The following BLTP1 variants were observed in gnomAD, a reference collection of about 807,000 sequenced individuals.
BLTP1 encodes the protein fragile site-associated protein.
the BLTP1 span, chr4:122,254,526 A>T: frequency 1.2e-6 from 1 of 834,638 alleles, no homozygotes; most frequent in Non-Finnish European, 1.4e-6. Context: ...GTTTGACCCA[A>T]TTTCTTTCAT....
the BLTP1 span, chr4:122,361,890 G>T: frequency 1.2e-6 from 1 of 864,804 alleles, no homozygotes; most frequent in Non-Finnish European, 1.7e-6. Context: ...CAGGAATTAT[G>T]GGCTCATTTA....
the BLTP1 span, chr4:122,211,137 C>T: frequency 4.0e-6 from 6 of 1,509,262 alleles, no homozygotes; most frequent in Admixed American, 1.1e-4. Flanking sequence ...TAAATATAGA[C>T]AAAGCAATTA....
chr4:122,331,337 G>C, the BLTP1 span: 1 of 1,609,936 alleles, frequency 6.2e-7, no homozygotes, highest in South Asian at 1.1e-5. Flanking sequence ...CATACGTCTC[G>C]TAAAAAAGCA....
At chr4:122,356,441 G>C in the BLTP1 span, 3 of 211,696 alleles carry the variant, frequency 1.4e-5, no homozygotes, top group African/African-American at 7.1e-5. Context: ...TTGGATAAAG[G>C]ATACTCAATC....
At chr4:122,248,057 T>C in the BLTP1 span, 1 of 985,254 alleles carries the variant, frequency 1.0e-6, no homozygotes, top group Non-Finnish European at 1.2e-6. Flanking sequence ...TTTTATAGGT[T>C]CTGAAGTTTC....
chr4:122,325,616 A>G, the BLTP1 span: 1,740 of 1,120,908 alleles, frequency 1.6e-3, 73 homozygotes, highest in Admixed American at 0.064. Context: ...GTGAGAATCC[A>G]TATTAAACTA....
chr4:122,183,949 G>T, the BLTP1 span, among the ~76,000 whole-genome samples: 1 of 151,170 alleles, frequency 6.6e-6, no homozygotes, highest in Non-Finnish European at 1.5e-5. Context: ...TCATAAACCA[G>T]CTATGTAAAC....
chr4:122,327,099 G>GGTGTTTTGTTTTGTTT, the BLTP1 span, among the ~76,000 whole-genome samples: 5 of 148,234 alleles, frequency 3.4e-5, no homozygotes, highest in African/African-American at 1.2e-4. Flanking sequence ...TCATAGGGGG[G>GGTGTTTTGTTTTGTTT]TGTTTTGTTT....
the BLTP1 span, among the ~76,000 whole-genome samples, chr4:122,216,033 A>G: frequency 6.6e-6 from 1 of 151,870 alleles, no homozygotes; most frequent in Non-Finnish European, 1.5e-5. Context: ...TTTATGGCTG[A>G]GTAGTATTCC....
At chr4:122,282,033 A>C in the BLTP1 span, 6 of 979,096 alleles carry the variant, frequency 6.1e-6, no homozygotes, top group Non-Finnish European at 7.3e-6. Flanking sequence ...ATTTAAACTT[A>C]AGTTGAAGAA....
chr4:122,313,606 T>A, the BLTP1 span: 2 of 1,563,922 alleles, frequency 1.3e-6, no homozygotes, highest in Middle Eastern at 1.7e-4. Context: ...TGAAAACTAT[T>A]TTTGGGGTGA....
chr4:122,229,552 TA>T, the BLTP1 span: 1 of 231,274 alleles, frequency 4.3e-6, no homozygotes, highest in Non-Finnish European at 7.1e-6. Context: ...TGAATGTCTT[TA>T]GGATTCATAC....
At chr4:122,200,620 A>G in the BLTP1 span, 4 of 979,630 alleles carry the variant, frequency 4.1e-6, no homozygotes, top group Non-Finnish European at 3.6e-6. Flanking sequence ...CTGCAGAAAT[A>G]CTAATGTTAC....
At chr4:122,166,781 G>T in the BLTP1 span, among the ~76,000 whole-genome samples, 3 of 152,046 alleles carry the variant, frequency 2.0e-5, no homozygotes, top group African/African-American at 2.4e-5. Flanking sequence ...CCTTGAAGAG[G>T]TCCTTCACAT....
At chr4:122,226,925 A>T in the BLTP1 span, 1 of 945,196 alleles carries the variant, frequency 1.1e-6, no homozygotes, top group Non-Finnish European at 1.5e-6. Context: ...TCAAATACAC[A>T]TAGCCATGCA....
At chr4:122,177,066 A>G in the BLTP1 span, among the ~76,000 whole-genome samples, 5 of 152,222 alleles carry the variant, frequency 3.3e-5, no homozygotes, top group African/African-American at 9.6e-5. Flanking sequence ...ACTAGGGTCA[A>G]ATATCTAGCA....
the BLTP1 span, among the ~76,000 whole-genome samples, chr4:122,182,181 T>C: frequency 5.7e-4 from 87 of 152,260 alleles, no homozygotes; most frequent in African/African-American, 1.9e-3. Context: ...ATGCTAATAT[T>C]AAAAGAGTGA....
the BLTP1 span, chr4:122,184,877 A>G: frequency 1.0e-6 from 1 of 984,536 alleles, no homozygotes; most frequent in Non-Finnish European, 1.2e-6. Flanking sequence ...AGCTGTTGGA[A>G]TACTTTTTCC....
the BLTP1 span, chr4:122,305,891 T>A: frequency 3.8e-6 from 6 of 1,590,574 alleles, no homozygotes; most frequent in Non-Finnish European, 4.3e-6. Flanking sequence ...ATGAGGAAGC[T>A]GGTTCTGATT....
Sources: gnomAD v4.1 joint callset for allele counts (sites outside exome capture counted in the v4.1 genomes callset) on GRCh38, gnomAD v4.1.1 for gene constraint, MANE v1.5 for transcripts, NCBI Gene and HGNC (gene_info 2026-07-23, HGNC 2026-07-21) for gene names.